The following FYCO1 variants were observed in gnomAD, a reference collection of about 807,000 sequenced individuals.
The protein encoded by FYCO1 is FYVE and coiled-coil domain autophagy adaptor 1, also known as FYVE and coiled-coil domain-containing protein 1.
A neutral mutation model predicts 165.1 loss-of-function variants in FYCO1; 122 were observed. That is an observed-to-expected ratio of 0.74 (90% CI 0.64 to 0.86). The LOEUF (loss-of-function observed/expected upper bound fraction) is 0.86. Ranked by LOEUF, FYCO1 falls within the 40% of genes least tolerant of loss-of-function variation. The probability of loss-of-function intolerance (pLI) is 0.00; values close to 1 mark genes in which losing one functional copy is unlikely to be tolerated. For missense variants in FYCO1, 1,702 were observed against 1,810.3 expected (o/e 0.94, Z 1.09); for synonymous variants, 648 against 742.5 (o/e 0.87, Z 2.07).
intron 13 of FYCO1, among the ~76,000 whole-genome samples, chr3:45,957,012 A>C (rs959586357): frequency 5.9e-5 from 9 of 152,272 alleles, no homozygotes; most frequent in African/African-American, 2.2e-4. Flanking sequence ...TCATCATAAC[A>C]GTTTGGTATT....
At chr3:45,929,873 C>T (rs765873862) in intron 16 of FYCO1, among the ~76,000 whole-genome samples, 8 of 152,168 alleles carry the variant, frequency 5.3e-5, no homozygotes, top group East Asian at 3.9e-4. Flanking sequence ...CAAACCCAAA[C>T]GGGTACGTGT....
intron 1 of FYCO1, among the ~76,000 whole-genome samples, chr3:45,992,734 G>A (rs756104745): frequency 2.5e-4 from 38 of 152,140 alleles, no homozygotes; most frequent in Non-Finnish European, 4.9e-4. Context: ...CAGTGGCTGA[G>A]GCTTCTAAGT....
rs1705775222 is a variant in FYCO1, at chr3:45,962,703, C to T, written c.3270-311G>A. Among the ~76,000 whole-genome samples the T allele has an allele frequency of 6.6e-6, 1 of 152,142 alleles. No homozygotes were observed. Among genetic ancestry groups the T allele is most frequent in the Admixed American group, 6.5e-5 (1 of 15,274 alleles). ...TGCAAGAGAAGCCTGATAGGCAAGG[C>T]TCATGGGCTGGTGATGGGGAGGATG... On this transcript the variant is annotated intron_variant, in intron 10 of 17. Coordinates refer to ENST00000296137, the MANE Select transcript of FYCO1 (RefSeq NM_024513.4). The surrounding 1 kb of genome is among the most constrained non-coding windows in gnomAD (Gnocchi z 4.4).
intron 3 of FYCO1, 93 bp from the exon 4 acceptor site, chr3:45,979,923 T>A: frequency 6.7e-7 from 1 of 1,484,808 alleles, no homozygotes; most frequent in Non-Finnish European, 9.4e-7. Context: ...GCTTCTTAGG[T>A]GCCAGCACTG....
At chr3:45,979,565 G>C (rs1575383273) in intron 4 of FYCO1, 140 bp downstream of exon 4, 2 of 983,592 alleles carry the variant, frequency 2.0e-6, no homozygotes. Flanking sequence ...AATGGGCATT[G>C]CGTATACCTG....
chr3:45,924,627 T>C (rs1703234522), intron 16 of FYCO1, among the ~76,000 whole-genome samples: 1 of 152,156 alleles, frequency 6.6e-6, no homozygotes, highest in Admixed American at 6.5e-5. Context: ...TCCTTTTTTT[T>C]TCTGAGATGG....
At chr3:45,975,572 C>G (rs1471480490) in intron 4 of FYCO1, among the ~76,000 whole-genome samples, 1 of 152,236 alleles carries the variant, frequency 6.6e-6, no homozygotes, top group Non-Finnish European at 1.5e-5. Flanking sequence ...GAATAATCTG[C>G]AGACTCCAGC....
Position 45,923,702 on chromosome 3 carries a change from G to T in FYCO1, c.4315C>A (p.Arg1439Ser). The change falls in exon 17 of 18, where the codon CGC becomes AGC. Residue 1439 changes from arginine (R) to serine (S), a missense_variant. By Grantham distance (110) the Arg-to-Ser change is moderately radical. Transcript: ENST00000296137. ...KENIQGQLKV[R>S]TPGIYMLIFD... The stretch of plus-strand genomic sequence containing the variant: ...ATGAGCATGTAGATGCCGGGTGTGC[G>T]AACCTTGAGCTGGCCCTGGATGTTC... 1.2e-6 allele frequency: 2 copies of T among 1,614,144 alleles called. No individual in the cohort carries two copies. The highest frequency in any genetic ancestry group is 1.7e-6 in the Non-Finnish European group (2 of 1,179,994).
intron 10 of FYCO1, among the ~76,000 whole-genome samples, chr3:45,963,231 C>T (rs1038600532): frequency 1.3e-5 from 2 of 151,964 alleles, no homozygotes; most frequent in African/African-American, 4.8e-5. Flanking sequence ...TGTGCTTGCA[C>T]ACACACACAC....
intron 17 of FYCO1, among the ~76,000 whole-genome samples, chr3:45,923,425 T>A (rs1559437621): frequency 6.6e-6 from 1 of 152,024 alleles, no homozygotes; most frequent in African/African-American, 2.4e-5. Flanking sequence ...GACTTAGGAG[T>A]GTCACTCCTC....
chr3:45,982,770 C>T (rs1401811735), intron 2 of FYCO1, among the ~76,000 whole-genome samples: 1 of 152,210 alleles, frequency 6.6e-6, no homozygotes, highest in Admixed American at 6.5e-5. Context: ...ATGTAATCAA[C>T]ACGACCCCTC....
chr3:45,936,965 C>A (rs1703926302), intron 14 of FYCO1, among the ~76,000 whole-genome samples: 1 of 152,194 alleles, frequency 6.6e-6, no homozygotes, highest in South Asian at 2.1e-4. Flanking sequence ...GGCACAAGAA[C>A]AGGCACCCAG....
intron 3 of FYCO1, 140 bp from the exon 4 acceptor site, chr3:45,979,970 G>A: frequency 9.5e-7 from 1 of 1,054,304 alleles, no homozygotes; most frequent in Non-Finnish European, 1.4e-6. Context: ...TTATTTATTG[G>A]CAAATCAAGG....
chr3:45,927,150 A>T (rs2125792046), intron 16 of FYCO1, among the ~76,000 whole-genome samples: 1 of 152,186 alleles, frequency 6.6e-6, no homozygotes, highest in East Asian at 1.9e-4. Context: ...GAGTTTTTTT[A>T]TTTGTTTTTG....
intron 2 of FYCO1, among the ~76,000 whole-genome samples, chr3:45,982,399 A>C (rs1288116701): frequency 6.6e-6 from 1 of 152,214 alleles, no homozygotes; most frequent in African/African-American, 2.4e-5. Flanking sequence ...AAATCAGAGC[A>C]CTTGGCCAAA....
chr3:45,991,897 G>C (rs1400188169), intron 1 of FYCO1, among the ~76,000 whole-genome samples: 1 of 152,140 alleles, frequency 6.6e-6, no homozygotes, highest in African/African-American at 2.4e-5. Flanking sequence ...CATGAGAGTG[G>C]GCCCAAATCC....
At chr3:45,938,328 T>C (rs1443292848) in intron 14 of FYCO1, 2 of 858,168 alleles carry the variant, frequency 2.3e-6, no homozygotes, top group East Asian at 1.2e-4. Context: ...CAGAGGGCTT[T>C]CTTTTCAATA....
chr3:45,984,352 C>A (rs2125873797), intron 2 of FYCO1, among the ~76,000 whole-genome samples: 1 of 152,316 alleles, frequency 6.6e-6, no homozygotes, highest in South Asian at 2.1e-4. Context: ...CAACGCTGAG[C>A]TCAGGGAAGT....
chr3:45,965,182 C>T (rs556782626), intron 8 of FYCO1, 57 bp from the exon 9 acceptor site: 131 of 1,315,370 alleles, frequency 1.0e-4, no homozygotes, highest in Non-Finnish European at 1.4e-4. Flanking sequence ...TCTGAGGATC[C>T]CTCAGCCCCC....
Sources: allele counts gnomAD v4.1 joint callset (sites outside exome capture counted in the v4.1 genomes callset), GRCh38; gene constraint gnomAD v4.1.1; non-coding constraint Gnocchi (gnomAD v3.1); transcripts MANE v1.5; gene names NCBI Gene and HGNC (gene_info 2026-07-23, HGNC 2026-07-21).